Variants in RIN3 observed in about 807,000 individuals in gnomAD.
RIN3 encodes the protein Ras and Rab interactor 3.
Under a neutral mutation model 76.3 loss-of-function variants are expected in RIN3, and 54 were observed. That is an observed-to-expected ratio of 0.71 (90% CI 0.57 to 0.89). The LOEUF (loss-of-function observed/expected upper bound fraction) is 0.89. Ranked by LOEUF, RIN3 falls within the 40% of genes least tolerant of loss-of-function variation. RIN3 has a pLI of 0.00. For synonymous variants in RIN3, 576 were observed against 564.0 expected (o/e 1.02, Z -0.30); for missense variants, 1,256 against 1,322.1 (o/e 0.95, Z 0.78).
chr14:92,611,672 G>GTGTTAGAGATTCACA lies in RIN3; in HGVS notation c.368-3732_368-3731insTAGAGATTCACATGT, dbSNP rs1566867306. ...TATTTCCAAATAAGGTCATATTCACGTGTGTTAGAGATTCACACGTATTCA... is the reference window on the plus strand; with the variant it reads ...TATTTCCAAATAAGGTCATATTCACGTGTTAGAGATTCACATGTGTTAGAGATTCACACGTATTCA... On this transcript the variant is annotated intron_variant, in intron 3 of 9. Coordinates refer to ENST00000216487, the MANE Select transcript of RIN3 (RefSeq NM_024832.5). 2.6e-5 allele frequency among the ~76,000 whole-genome samples: 4 copies of GTGTTAGAGATTCACA among 151,926 alleles called. No homozygotes were observed. The South Asian group carries it at 8.3e-4, about 31-fold the overall frequency.
At chr14:92,653,405 G>A (rs1191983518) in intron 6 of RIN3, among the ~76,000 whole-genome samples, 2 of 152,204 alleles carry the variant, frequency 1.3e-5, no homozygotes, top group East Asian at 1.9e-4. Flanking sequence ...ACTGTGTGGT[G>A]CAGTTTATGC....
chr14:92,627,953 G>A (rs7141996), intron 4 of RIN3, among the ~76,000 whole-genome samples: 19,824 of 152,294 alleles, frequency 0.13, 1,579 homozygotes, highest in Middle Eastern at 0.18. Context: ...AAACAAAGGA[G>A]ACCAGGAGTT....
chr14:92,541,336 A>C (rs1897128198), intron 1 of RIN3, among the ~76,000 whole-genome samples: 1 of 152,244 alleles, frequency 6.6e-6, no homozygotes. Context: ...ATACAAGTAG[A>C]GTATCTAGCT....
At chr14:92,595,095 T>C (rs1342876772) in intron 3 of RIN3, among the ~76,000 whole-genome samples, 1 of 152,248 alleles carries the variant, frequency 6.6e-6, no homozygotes, top group East Asian at 1.9e-4. Flanking sequence ...TAGCATCTAC[T>C]GAACCCTGGA....
intron 8 of RIN3, among the ~76,000 whole-genome samples, chr14:92,683,326 C>T (rs1200479041): frequency 6.6e-6 from 1 of 152,140 alleles, no homozygotes; most frequent in South Asian, 2.1e-4. Context: ...CTCCTCTGGG[C>T]CCTTGATCTC....
At chr14:92,632,372 A>C (rs1010594306) in intron 4 of RIN3, among the ~76,000 whole-genome samples, 2 of 152,122 alleles carry the variant, frequency 1.3e-5, no homozygotes, top group Non-Finnish European at 2.9e-5. Context: ...AGCTCCCTCT[A>C]ACCGCTACAG....
Position 92,651,556 on chromosome 14 carries a change from C to A in RIN3, c.533-26C>A, listed in dbSNP as rs781692322. The A allele has an allele frequency of 3.4e-5, 53 of 1,565,776 alleles. 1 individual carries two copies. The African/African-American group carries it at 6.1e-4, about 18-fold the overall frequency. On this transcript the variant is annotated intron_variant, in intron 5 of 9. Transcript: ENST00000216487. ...CACCTAGTCCCTGGCACAGACTGAC[C>A]CCCTGCCCCTCTCTTGCTTCCACAG...
intron 1 of RIN3, among the ~76,000 whole-genome samples, chr14:92,534,408 C>T (rs1330599719): frequency 1.3e-5 from 2 of 151,518 alleles, no homozygotes; most frequent in Non-Finnish European, 2.9e-5. Flanking sequence ...GGTGAAACCC[C>T]GTCTCTACTA....
intron 3 of RIN3, among the ~76,000 whole-genome samples, chr14:92,600,319 G>C (rs1015827352): frequency 6.6e-6 from 1 of 152,178 alleles, no homozygotes; most frequent in South Asian, 2.1e-4. Context: ...GCCCTAACAC[G>C]CACCCTCTTT....
At chr14:92,661,753 ACACAC>A (rs1566893466) in intron 7 of RIN3, among the ~76,000 whole-genome samples, 3 of 142,920 alleles carry the variant, frequency 2.1e-5, no homozygotes, top group Non-Finnish European at 4.6e-5. Flanking sequence ...ACACACACAC[ACACAC>A]AAAAAATAGA....
chr14:92,576,054 C>G (rs1478105023), intron 2 of RIN3, among the ~76,000 whole-genome samples: 1 of 151,996 alleles, frequency 6.6e-6, no homozygotes, highest in Non-Finnish European at 1.5e-5. Flanking sequence ...GGCTTAAGCT[C>G]CAGGGGTGGG....
chr14:92,562,084 C>T (rs1208768196), intron 2 of RIN3, among the ~76,000 whole-genome samples: 1 of 152,216 alleles, frequency 6.6e-6, no homozygotes, highest in Non-Finnish European at 1.5e-5. Flanking sequence ...GACATTTGCT[C>T]AGACTTCCTT....
Position 92,634,793 on chromosome 14 carries a change from G to T in RIN3, c.441-6445G>T, listed in dbSNP as rs191423124. Among the ~76,000 whole-genome samples the T allele has an allele frequency of 4.3e-4, 65 of 150,384 alleles. 2 individuals are homozygous for T. In the East Asian group the frequency reaches 8.6e-3, roughly 20 times the overall value. On this transcript the variant is annotated intron_variant, in intron 4 of 9. Coordinates refer to ENST00000216487, the MANE Select transcript of RIN3 (RefSeq NM_024832.5). ...GAATTGCTTGAACCCAGGAGGCAGA[G>T]GTTGCAGTGAGCCGAGATCACACCA...
chr14:92,658,354 G>C (rs1419360802), intron 6 of RIN3, among the ~76,000 whole-genome samples: 1 of 152,260 alleles, frequency 6.6e-6, no homozygotes, highest in African/African-American at 2.4e-5. Flanking sequence ...CCCGGGGCAG[G>C]AGCAGGCCTG....
intron 8 of RIN3, among the ~76,000 whole-genome samples, chr14:92,684,432 T>C (rs1888775893): frequency 6.8e-6 from 1 of 146,654 alleles, no homozygotes; most frequent in South Asian, 2.2e-4. Flanking sequence ...TATAATAAAG[T>C]GTTGAATATC....
chr14:92,563,243 C>G (rs530296262), intron 2 of RIN3, among the ~76,000 whole-genome samples: 1 of 152,208 alleles, frequency 6.6e-6, no homozygotes, highest in Admixed American at 6.5e-5. Context: ...CGCCTGTAAT[C>G]CCAGCTACTT....
chr14:92,546,983 TTTTTA>T (rs1897280821), intron 1 of RIN3, among the ~76,000 whole-genome samples: 2 of 116,036 alleles, frequency 1.7e-5, no homozygotes, highest in South Asian at 6.0e-4. Flanking sequence ...TTTAAAATTA[TTTTTA>T]TTTTATTATT....
At chr14:92,516,310 G>A (rs1896440572) in intron 1 of RIN3, among the ~76,000 whole-genome samples, 1 of 152,156 alleles carries the variant, frequency 6.6e-6, no homozygotes, top group Admixed American at 6.5e-5. Flanking sequence ...TGTCTCCTGA[G>A]CCTTGGCCTG....
chr14:92,579,739 C>G (rs1898375809), intron 3 of RIN3, among the ~76,000 whole-genome samples: 1 of 152,234 alleles, frequency 6.6e-6, no homozygotes, highest in South Asian at 2.1e-4. Flanking sequence ...ATGAAGAAAA[C>G]AGAGTTCCTG....
Sources: gnomAD v4.1 joint callset for allele counts (sites outside exome capture counted in the v4.1 genomes callset) on GRCh38, gnomAD v4.1.1 for gene constraint, MANE v1.5 for transcripts, NCBI Gene and HGNC (gene_info 2026-07-23, HGNC 2026-07-21) for gene names.